CAST: variants seen among roughly 807,000 people sequenced by gnomAD.
The protein encoded by CAST is calpastatin.
Under a neutral mutation model 119.6 loss-of-function variants are expected in CAST, and 76 were observed. That is an observed-to-expected ratio of 0.64 (90% CI 0.53 to 0.77). The LOEUF (loss-of-function observed/expected upper bound fraction) is 0.77. Ranked by LOEUF, CAST falls within the 30% of genes least tolerant of loss-of-function variation. CAST has a pLI of 0.00. For synonymous variants in CAST, 319 were observed against 331.6 expected (o/e 0.96, Z 0.41); for missense variants, 953 against 946.5 (o/e 1.01, Z -0.09).
At chr5:96,242,717 C>G in the CAST span, among the ~76,000 whole-genome samples, 2 of 152,180 alleles carry the variant, frequency 1.3e-5, no homozygotes, top group Non-Finnish European at 2.9e-5. Flanking sequence ...TTTTATAACC[C>G]TGTCGACATT....
chr5:96,434,633 TG>T, the CAST span, among the ~76,000 whole-genome samples: 2,509 of 151,580 alleles, frequency 0.017, 87 homozygotes, highest in African/African-American at 0.058. Flanking sequence ...TTGTTGTTGT[TG>T]TTTTTTAAAG....
the CAST span, among the ~76,000 whole-genome samples, chr5:96,199,927 T>A: frequency 6.6e-6 from 1 of 152,268 alleles, no homozygotes; most frequent in East Asian, 1.9e-4. Flanking sequence ...GGTTACTTAT[T>A]AACCTCCCTT....
the CAST span, among the ~76,000 whole-genome samples, chr5:96,252,430 C>G: frequency 1.3e-5 from 2 of 152,082 alleles, no homozygotes; most frequent in African/African-American, 2.4e-5. Flanking sequence ...TGTTTCTGCC[C>G]TCACAAAACT....
Position 96,742,677 on chromosome 5 carries a change from T to C in CAST, c.1121T>C (p.Leu374Pro), listed in dbSNP as rs1211070673. Residue 374 changes from leucine to proline, a missense_variant, in exon 16 of 32, where the codon CTC becomes CCC. Physicochemically the swap from Leu to Pro is moderately conservative, Grantham distance 98 (BLOSUM62 -3). Transcript: ENST00000675179. ...VEKDTMSDQA[L>P]EALSASLGTR... ...CAGGATACAATGAGTGATCAAGCAC[T>C]CGAGGCTCTGTCGGCTTCACTGGGC... 2.5e-6 allele frequency: 4 copies of C among 1,613,658 alleles called. No individual in the cohort carries two copies. The highest frequency in any genetic ancestry group is 2.2e-5 in the East Asian group (1 of 44,870).
At chr5:96,577,657 A>G (rs1217837613) in intron 1 of CAST, among the ~76,000 whole-genome samples, 6 of 152,048 alleles carry the variant, frequency 3.9e-5, no homozygotes, top group Non-Finnish European at 7.4e-5. Context: ...ATTTAGAAGC[A>G]TGTTATTTAG....
chr5:95,985,463 G>A, the CAST span, among the ~76,000 whole-genome samples: 7 of 152,324 alleles, frequency 4.6e-5, no homozygotes, highest in South Asian at 1.2e-3. Context: ...CCAGAAGGGG[G>A]AAAAGAATTC....
the CAST span, among the ~76,000 whole-genome samples, chr5:96,365,138 G>A: frequency 6.6e-6 from 1 of 152,236 alleles, no homozygotes; most frequent in East Asian, 1.9e-4. Flanking sequence ...GCGGTTTTGA[G>A]TGAGTTTCTT....
At chr5:96,036,035 T>C in the CAST span, among the ~76,000 whole-genome samples, 232 of 151,850 alleles carry the variant, frequency 1.5e-3, no homozygotes, top group Middle Eastern at 0.014. Context: ...TGAAACTGAT[T>C]GGTTTAGGAA....
chr5:96,638,393 G>A (rs1050808523), intron 1 of CAST, among the ~76,000 whole-genome samples: 3 of 152,104 alleles, frequency 2.0e-5, no homozygotes, highest in African/African-American at 4.8e-5. Context: ...GCAACAGAGC[G>A]AGACTCCATC....
chr5:96,321,618 C>T, the CAST span, among the ~76,000 whole-genome samples: 142 of 152,264 alleles, frequency 9.3e-4, no homozygotes, highest in African/African-American at 3.4e-3. Flanking sequence ...TTACAAGTCA[C>T]CAGTGTCCTC....
At chr5:96,694,759 C>T (rs1753090858) in intron 2 of CAST, among the ~76,000 whole-genome samples, 2 of 152,150 alleles carry the variant, frequency 1.3e-5, no homozygotes, top group Non-Finnish European at 2.9e-5. Context: ...GTGTATTTTA[C>T]TTTTCCTTTT....
chr5:96,169,368 G>A, the CAST span, among the ~76,000 whole-genome samples: 4 of 152,154 alleles, frequency 2.6e-5, no homozygotes, highest in African/African-American at 9.7e-5. Flanking sequence ...AAGAAAGCAT[G>A]TTTGGGATCC....
the CAST span, among the ~76,000 whole-genome samples, chr5:96,029,839 T>C: frequency 6.6e-6 from 1 of 152,140 alleles, no homozygotes; most frequent in Non-Finnish European, 1.5e-5. Context: ...GTGAAATTAA[T>C]GTTCACTTCT....
chr5:96,549,070 C>A (rs1024494130), intron 1 of CAST, among the ~76,000 whole-genome samples: 1 of 152,232 alleles, frequency 6.6e-6, no homozygotes, highest in East Asian at 1.9e-4. Context: ...TACTGGCAAG[C>A]GAAAATCTAC....
intron 1 of CAST, among the ~76,000 whole-genome samples, chr5:96,531,915 C>A (rs1745696630): frequency 6.6e-6 from 1 of 152,078 alleles, no homozygotes; most frequent in African/African-American, 2.4e-5. Flanking sequence ...GGGAACTGTA[C>A]TCAGAAAGTA....
intron 29 of CAST, 87 bp downstream of exon 29, chr5:96,768,086 T>G (rs1770693657): frequency 6.7e-6 from 6 of 890,804 alleles, no homozygotes; most frequent in Non-Finnish European, 1.1e-5. Flanking sequence ...GATTGATCTA[T>G]CTATCGGTCT....
intron 2 of CAST, among the ~76,000 whole-genome samples, chr5:96,689,077 A>C (rs912543895): frequency 6.6e-6 from 1 of 152,200 alleles, no homozygotes; most frequent in African/African-American, 2.4e-5. Context: ...AATAAGAACA[A>C]AGACAACTTG....
At chr5:96,727,996 T>C (rs1167109627) in intron 6 of CAST, among the ~76,000 whole-genome samples, 2 of 152,122 alleles carry the variant, frequency 1.3e-5, no homozygotes, top group South Asian at 2.1e-4. Context: ...CCTCAGTTGG[T>C]GGAGCTAGTT....
In CAST at chr5:96,757,630, T is replaced by C. The variant is rs1766603339; in HGVS notation, c.1809T>C (p.Ser603=). ...TGGATGCTTTGTCTGAGGACTTCTC[T>C]GGTCCACAAAATGCTTCATCTCTTG... ...FLLDALSEDF[S]GPQNASSLKF... Residue 603 remains serine (S), a synonymous_variant, in exon 24 of 32, where the codon TCT becomes TCC. Transcript: ENST00000675179. 1 of 1,613,174 alleles carries C rather than the reference T, an allele frequency of 6.2e-7. No homozygotes were observed. Among genetic ancestry groups the C allele is most frequent in the African/African-American group, 1.3e-5 (1 of 74,894 alleles).
Sources: gnomAD v4.1 joint callset for allele counts (sites outside exome capture counted in the v4.1 genomes callset) on GRCh38, gnomAD v4.1.1 for gene constraint, MANE v1.5 for transcripts, NCBI Gene and HGNC (gene_info 2026-07-23, HGNC 2026-07-21) for gene names.